Variants in CELF1 observed in about 807,000 individuals in gnomAD.
CELF1 encodes CUGBP Elav-like family member 1.
CELF1 carries 10 observed loss-of-function variants against 61.8 expected under a neutral mutation model. The observed-to-expected ratio is 0.16, with a 90% CI of 0.10 to 0.27. The LOEUF (loss-of-function observed/expected upper bound fraction) is 0.27. CELF1 is among the 10% of genes least tolerant of loss of function. CELF1 has a pLI of 1.00. For synonymous variants in CELF1, 236 were observed against 225.1 expected, an observed-to-expected ratio of 1.05 and a Z score of -0.43; for missense variants, 380 against 639.1, an observed-to-expected ratio of 0.59 and a Z score of 4.37.
chr11:47,560,865 G>A (rs989532722), intron 2 of CELF1, among the ~76,000 whole-genome samples: 2 of 152,206 alleles, frequency 1.3e-5, no homozygotes, highest in African/African-American at 4.8e-5. Flanking sequence ...CTGGCTGGGC[G>A]CAGTGGCTCA....
chr11:47,542,782 G>A (rs910511109), intron 1 of CELF1, among the ~76,000 whole-genome samples: 1 of 152,148 alleles, frequency 6.6e-6, no homozygotes, highest in Non-Finnish European at 1.5e-5. Flanking sequence ...AAAGGCGTGA[G>A]CCACCGTGCT....
intron 1 of CELF1, among the ~76,000 whole-genome samples, chr11:47,511,050 G>T (rs2095109175): frequency 6.6e-6 from 1 of 152,026 alleles, no homozygotes; most frequent in Non-Finnish European, 1.5e-5. Context: ...AGATGGGTGT[G>T]GTGACATGTG....
upstream of CELF1, among the ~76,000 whole-genome samples, chr11:47,553,551 G>A (rs1200653887): frequency 3.3e-5 from 5 of 152,220 alleles, no homozygotes; most frequent in Non-Finnish European, 7.3e-5. Context: ...AAATGGATGA[G>A]TGAGTGACTG....
At chr11:47,531,001 C>T (rs1443730692) in intron 1 of CELF1, among the ~76,000 whole-genome samples, 1 of 152,096 alleles carries the variant, frequency 6.6e-6, no homozygotes, top group East Asian at 1.9e-4. Context: ...AATCCCAACA[C>T]TTTGGGAGGC....
Position 47,499,581 on chromosome 11 carries a change from A to C in CELF1, c.-58T>G. The C allele has an allele frequency of 7.5e-7, 1 of 1,338,616 alleles. No homozygotes were observed. The highest frequency in any genetic ancestry group is 1.0e-6 in the Non-Finnish European group (1 of 967,762). 82.9% of individuals were successfully genotyped at this position (1,338,616 alleles called of 1,614,324 possible). On this transcript the variant is annotated 5_prime_UTR_variant, in exon 3 of 15. Coordinates refer to ENST00000687097, the MANE Select transcript of CELF1 (RefSeq NM_001376376.1). ...TTAACTTGCTGCACTTGTCTGATCC[A>C]CAAATACACACAGCTTTAGCTTCCT...
intron 1 of CELF1, among the ~76,000 whole-genome samples, chr11:47,548,071 C>T (rs913877256): frequency 6.6e-6 from 1 of 152,056 alleles, no homozygotes; most frequent in African/African-American, 2.4e-5. Flanking sequence ...GAGGCTGAGG[C>T]AGGTGGATCA....
At chr11:47,480,437 G>C (rs4752841) in intron 9 of CELF1, among the ~76,000 whole-genome samples, 1 of 152,176 alleles carries the variant, frequency 6.6e-6, no homozygotes, top group Non-Finnish European at 1.5e-5. Context: ...ACTGGTGGAC[G>C]GTGAATACTG....
At chr11:47,558,581 A>ATATATT (rs2097214105) in intron 2 of CELF1, among the ~76,000 whole-genome samples, 4 of 113,724 alleles carry the variant, frequency 3.5e-5, no homozygotes, top group South Asian at 4.5e-4. Context: ...ATAAATATAT[A>ATATATT]TATATATTTA....
intron 1 of CELF1, chr11:47,524,478 A>G (rs1220423456): frequency 1.3e-5 from 2 of 152,128 alleles, no homozygotes; most frequent in Non-Finnish European, 2.9e-5. Context: ...ACAATTTACA[A>G]TTGACAAACC....
At chr11:47,561,137 CAAA>C (rs34223231) in intron 2 of CELF1, among the ~76,000 whole-genome samples, 6 of 105,998 alleles carry the variant, frequency 5.7e-5, no homozygotes, top group Admixed American at 2.1e-4. Flanking sequence ...GACTCTGTCT[CAAA>C]AAAAAAAAAA....
At chr11:47,561,278 C>T (rs2097224255) in intron 2 of CELF1, among the ~76,000 whole-genome samples, 1 of 150,934 alleles carries the variant, frequency 6.6e-6, no homozygotes, top group South Asian at 2.1e-4. Flanking sequence ...CCCATCTCTA[C>T]TAAAAATACA....
intron 1 of CELF1, among the ~76,000 whole-genome samples, chr11:47,548,757 T>G (rs896972326): frequency 1.3e-5 from 2 of 149,852 alleles, no homozygotes; most frequent in Admixed American, 1.4e-4. Flanking sequence ...TCCCAGCTAC[T>G]CAGGAGGCCA....
chr11:47,533,092 A>ATT lies in CELF1; in HGVS notation c.-154+19898_-154+19899dup, dbSNP rs111833244. ...AAGGCTTTTTTTTTTCTATCACAGT[A>ATT]TTTTTTTTTTTTGATGTTCTGGATC... On this transcript the variant is annotated intron_variant, in intron 1 of 14. Coordinates refer to ENST00000687097, the MANE Select transcript of CELF1 (RefSeq NM_001376376.1). 5.0e-4 allele frequency among the ~76,000 whole-genome samples: 72 copies of ATT among 143,648 alleles called. 1 individual carries two copies. Among genetic ancestry groups the ATT allele is most frequent in the African/African-American group, 1.7e-3 (67 of 39,176 alleles). The allele number at this position is 143,648 out of a possible 152,430, so 94.2% of individuals were successfully genotyped here.
chr11:47,488,521 G>A (rs150923406), intron 4 of CELF1, among the ~76,000 whole-genome samples: 2 of 152,266 alleles, frequency 1.3e-5, no homozygotes, highest in East Asian at 3.9e-4. Context: ...AGACACTCAC[G>A]TGAGTCTGTC....
At chr11:47,548,580 T>C (rs971078235) in intron 1 of CELF1, among the ~76,000 whole-genome samples, 4 of 151,818 alleles carry the variant, frequency 2.6e-5, no homozygotes, top group African/African-American at 7.3e-5. Flanking sequence ...ATCCAGAAAA[T>C]AGAGGCTGGG....
chr11:47,485,685 G>A (rs2086377041), intron 6 of CELF1, among the ~76,000 whole-genome samples: 2 of 151,192 alleles, frequency 1.3e-5, no homozygotes, highest in African/African-American at 2.4e-5. Context: ...GGGTCCAAGC[G>A]ATTCTCCTGT....
In CELF1 at chr11:47,486,734, G is replaced by T; in HGVS notation, c.391+16C>A. On this transcript the variant is annotated intron_variant, in intron 6 of 14. Coordinates refer to ENST00000687097, the MANE Select transcript of CELF1 (RefSeq NM_001376376.1). ...AGGCAGAAATCTTAAGGGGAAGATT[G>T]TATACATTTGCTTACCATTGTTCTT... 6.2e-7 allele frequency: 1 copy of T among 1,607,050 alleles called. No homozygotes were observed. Among genetic ancestry groups the T allele is most frequent in the Non-Finnish European group, 8.5e-7 (1 of 1,173,534 alleles).
chr11:47,504,413 C>CA (rs1037707800), intron 1 of CELF1, among the ~76,000 whole-genome samples: 7 of 151,620 alleles, frequency 4.6e-5, no homozygotes, highest in African/African-American at 7.3e-5. Flanking sequence ...GCCATCTCTA[C>CA]AAAAAAATAC....
At chr11:47,544,469 T>G (rs1477429257) in intron 1 of CELF1, among the ~76,000 whole-genome samples, 1 of 152,146 alleles carries the variant, frequency 6.6e-6, no homozygotes, top group African/African-American at 2.4e-5. Flanking sequence ...AAATCCACTG[T>G]CCCAAGCTGT....
Sources: allele counts gnomAD v4.1 joint callset (sites outside exome capture counted in the v4.1 genomes callset), GRCh38; gene constraint gnomAD v4.1.1; transcripts MANE v1.5; gene names NCBI Gene and HGNC (gene_info 2026-07-23, HGNC 2026-07-21).